ELAVL2: variants seen among roughly 807,000 people sequenced by gnomAD.
The protein encoded by ELAVL2 is ELAV like RNA binding protein 2.
A neutral mutation model predicts 34.6 loss-of-function variants in ELAVL2; 4 were observed. The ratio of observed to expected loss-of-function variants is 0.12; its 90% confidence interval spans 0.06 to 0.26. The LOEUF is 0.26. ELAVL2 is among the 10% of genes least tolerant of loss of function. ELAVL2 has a pLI of 1.00. For synonymous variants in ELAVL2, 193 were observed against 154.8 expected (o/e 1.25, Z -1.83); for missense variants, 432 against 442.8 (o/e 0.98, Z 0.22).
chr9:23,739,595 T>G (rs370665016), intron 2 of ELAVL2, among the ~76,000 whole-genome samples: 7 of 151,718 alleles, frequency 4.6e-5, no homozygotes, highest in African/African-American at 1.7e-4. Flanking sequence ...CTTTATCTTG[T>G]GTTTACTTAA....
chr9:23,779,174 T>C (rs2058690800), intron 1 of ELAVL2: 1 of 984,118 alleles, frequency 1.0e-6, no homozygotes, highest in East Asian at 1.1e-4. Flanking sequence ...CCACAAATTG[T>C]ATTTTGGAGG....
chr9:23,801,561 G>A (rs2061570325), intron 1 of ELAVL2, among the ~76,000 whole-genome samples: 1 of 152,148 alleles, frequency 6.6e-6, no homozygotes, highest in Non-Finnish European at 1.5e-5. Context: ...AAGTGTCCTA[G>A]CTAAGGGACT....
At chr9:23,708,081 T>G (rs1307059246) in intron 3 of ELAVL2, among the ~76,000 whole-genome samples, 2 of 152,212 alleles carry the variant, frequency 1.3e-5, no homozygotes, top group African/African-American at 2.4e-5. Context: ...CTTCAGTTTA[T>G]ATTGTATCTT....
intron 1 of ELAVL2, among the ~76,000 whole-genome samples, chr9:23,777,098 C>T (rs1367768798): frequency 1.3e-5 from 2 of 152,156 alleles, no homozygotes; most frequent in Admixed American, 1.3e-4. Context: ...ATGTAAATTG[C>T]TTAGCAGTAA....
At chr9:23,747,772 C>T (rs1365893205) in intron 2 of ELAVL2, among the ~76,000 whole-genome samples, 1 of 152,148 alleles carries the variant, frequency 6.6e-6, no homozygotes, top group Non-Finnish European at 1.5e-5. Flanking sequence ...TAAGCCCCAA[C>T]ACAGGAAATT....
chr9:23,784,797 T>A (rs149225726), intron 1 of ELAVL2, among the ~76,000 whole-genome samples: 1 of 152,304 alleles, frequency 6.6e-6, no homozygotes, highest in Non-Finnish European at 1.5e-5. Context: ...AATCAGAATT[T>A]ATGTGGAATG....
At chr9:23,788,599 G>C (rs2059976657) in intron 1 of ELAVL2, among the ~76,000 whole-genome samples, 1 of 152,178 alleles carries the variant, frequency 6.6e-6, no homozygotes, top group African/African-American at 2.4e-5. Flanking sequence ...AGCGTATTTA[G>C]TTTTCTTTAA....
chr9:23,711,253 A>C, intron 3 of ELAVL2, among the ~76,000 whole-genome samples: 1 of 152,338 alleles, frequency 6.6e-6, no homozygotes, highest in African/African-American at 2.4e-5. Context: ...TATAGGATTT[A>C]GAAAACTATC....
intron 1 of ELAVL2, among the ~76,000 whole-genome samples, chr9:23,795,156 T>C (rs1490969563): frequency 6.6e-6 from 1 of 152,238 alleles, no homozygotes; most frequent in African/African-American, 2.4e-5. Flanking sequence ...CTTATCTTTA[T>C]AGACCACAGG....
intron 2 of ELAVL2, among the ~76,000 whole-genome samples, chr9:23,734,489 G>A (rs1238787512): frequency 6.6e-6 from 1 of 152,132 alleles, no homozygotes; most frequent in Non-Finnish European, 1.5e-5. Context: ...TTCAAATGCT[G>A]TGCTCTACTC....
At chr9:23,819,741 C>T (rs1020059630) in intron 1 of ELAVL2, among the ~76,000 whole-genome samples, 1 of 152,162 alleles carries the variant, frequency 6.6e-6, no homozygotes, top group African/African-American at 2.4e-5. Flanking sequence ...AATAAAAATA[C>T]TCTCTCAAAA....
At chr9:23,829,039 T>A (rs1588888693), upstream of ELAVL2, among the ~76,000 whole-genome samples, 2 of 152,330 alleles carry the variant, frequency 1.3e-5, no homozygotes, top group East Asian at 3.9e-4. Context: ...CATAGTTTGG[T>A]AAAAGAATTA....
chr9:23,701,147 A>G (rs2037059217), intron 5 of ELAVL2, among the ~76,000 whole-genome samples: 1 of 152,224 alleles, frequency 6.6e-6, no homozygotes. Flanking sequence ...CCCTTGGTTA[A>G]GAATCACTGC....
intron 3 of ELAVL2, among the ~76,000 whole-genome samples, chr9:23,714,528 G>C (rs890251220): frequency 6.6e-6 from 1 of 152,046 alleles, no homozygotes; most frequent in Admixed American, 6.6e-5. Context: ...TCTATAAATG[G>C]GCCAACAGTT....
At chr9:23,755,817 C>T (rs1030519828) in intron 2 of ELAVL2, among the ~76,000 whole-genome samples, 2 of 152,132 alleles carry the variant, frequency 1.3e-5, no homozygotes, top group Non-Finnish European at 2.9e-5. Context: ...TAAGTTACCA[C>T]CCACCCAACC....
chr9:23,844,651 A>T, the ELAVL2 span, among the ~76,000 whole-genome samples: 1 of 151,942 alleles, frequency 6.6e-6, no homozygotes, highest in Admixed American at 6.6e-5. Flanking sequence ...TAAAAAGCTG[A>T]GTTCTTAGTT....
intron 1 of ELAVL2, among the ~76,000 whole-genome samples, chr9:23,792,321 A>G (rs2060418863): frequency 1.3e-5 from 2 of 152,234 alleles, no homozygotes; most frequent in South Asian, 4.1e-4. Context: ...TTATCAGGAC[A>G]TAAGCCCCAT....
intron 3 of ELAVL2, among the ~76,000 whole-genome samples, chr9:23,728,966 G>A (rs1232244231): frequency 6.6e-6 from 1 of 152,094 alleles, no homozygotes; most frequent in South Asian, 2.1e-4. Context: ...AGAAACTGAT[G>A]TCACACTATA....
intron 3 of ELAVL2, among the ~76,000 whole-genome samples, chr9:23,716,749 T>C (rs992488871): frequency 6.6e-6 from 1 of 152,206 alleles, no homozygotes; most frequent in Non-Finnish European, 1.5e-5. Context: ...ATTTATTTTA[T>C]GGCCAAATAA....
Sources: gnomAD v4.1 joint callset for allele counts (sites outside exome capture counted in the v4.1 genomes callset) on GRCh38, gnomAD v4.1.1 for gene constraint, MANE v1.5 for transcripts, NCBI Gene and HGNC (gene_info 2026-07-23, HGNC 2026-07-21) for gene names.